The following SULT4A1 variants were observed in gnomAD, a reference collection of about 807,000 sequenced individuals.
SULT4A1 encodes the protein sulfotransferase family 4A member 1.
In SULT4A1, 11 loss-of-function variants were observed where a neutral mutation model predicts 35.2. The observed-to-expected ratio is 0.31, with a 90% confidence interval of 0.20 to 0.52. The LOEUF is 0.52. SULT4A1 is among the 20% of genes least tolerant of loss of function. SULT4A1 has a pLI of 0.97. For synonymous variants in SULT4A1, 152 were observed against 151.8 expected (o/e 1.00, Z -0.01); for missense variants, 271 against 383.7 (o/e 0.71, Z 2.45).
At chr22:43,852,348 GT>G (rs3994809) in intron 1 of SULT4A1, among the ~76,000 whole-genome samples, 13 of 147,998 alleles carry the variant, frequency 8.8e-5, no homozygotes, top group Middle Eastern at 7.1e-3. Flanking sequence ...TTTTTTTGTT[GT>G]TTTTTTTTTG....
chr22:43,832,306 C>T lies in SULT4A1; in HGVS notation c.603+1334G>A, dbSNP rs540042149. 3.3e-5 allele frequency among the ~76,000 whole-genome samples: 5 copies of T among 152,286 alleles called. No homozygotes were observed. In the East Asian group the frequency reaches 5.8e-4, roughly 18 times the overall value. On this transcript the variant is annotated intron_variant, in intron 5 of 6. Transcript: ENST00000330884. ...TCACCCAGCAGTCGGCTCCATGGCG[C>T]GTGTGACCTTAGACCGCCACATGAC...
chr22:43,850,402 C>T (rs1004370998), intron 1 of SULT4A1, among the ~76,000 whole-genome samples: 1 of 152,200 alleles, frequency 6.6e-6, no homozygotes, highest in Admixed American at 6.5e-5. Context: ...CAAAGTACAC[C>T]ATGTAGTGAT....
intron 5 of SULT4A1, among the ~76,000 whole-genome samples, chr22:43,830,035 C>T (rs528682267): frequency 2.2e-4 from 33 of 152,320 alleles, no homozygotes; most frequent in Admixed American, 7.8e-4. Context: ...CTGGTGTGGG[C>T]GCCAGCTCCT....
At chr22:43,848,338 G>T (rs2063489412) in intron 1 of SULT4A1, among the ~76,000 whole-genome samples, 1 of 152,240 alleles carries the variant, frequency 6.6e-6, no homozygotes, top group Non-Finnish European at 1.5e-5. Flanking sequence ...TCAAGATGGG[G>T]CACCAGCAAC....
rs1182419016 is a variant in SULT4A1, at chr22:43,826,090, T to C, written c.766A>G (p.Ile256Val). The C allele has an allele frequency of 1.2e-6, 2 of 1,614,230 alleles. No individual in the cohort carries two copies. Among genetic ancestry groups the C allele is most frequent in the Non-Finnish European group, 1.7e-6 (2 of 1,180,036 alleles). The change falls in exon 7 of 7, where the codon ATC becomes GTC. Residue 256 changes from isoleucine to valine, a missense_variant. Coordinates refer to ENST00000330884, the MANE Select transcript of SULT4A1 (RefSeq NM_014351.4). ...GRGRVGLWKD[I>V]FTVSMNEKFD... Reference sequence around the variant, plus strand: ...TTCTCATTCATGGAGACGGTGAAGATGTCCTTCCACAGCCCAACTCTTCCT... The same window carrying C: ...TTCTCATTCATGGAGACGGTGAAGACGTCCTTCCACAGCCCAACTCTTCCT...
At chr22:43,853,699 G>T (rs551865797) in intron 1 of SULT4A1, among the ~76,000 whole-genome samples, 1 of 152,324 alleles carries the variant, frequency 6.6e-6, no homozygotes, top group African/African-American at 2.4e-5. Flanking sequence ...CCGCTCCTCT[G>T]GGCCTCAGTT....
At chr22:43,859,888 C>G (rs765293674) in intron 1 of SULT4A1, among the ~76,000 whole-genome samples, 1 of 152,242 alleles carries the variant, frequency 6.6e-6, no homozygotes, top group Non-Finnish European at 1.5e-5. Flanking sequence ...TAAGCAGCCG[C>G]CTGTGGGCAG....
chr22:43,831,384 T>C (rs959976171), intron 5 of SULT4A1, among the ~76,000 whole-genome samples: 9 of 151,314 alleles, frequency 5.9e-5, no homozygotes, highest in African/African-American at 2.2e-4. Flanking sequence ...GGGCAGTGCA[T>C]GTTCAATGCT....
At chr22:43,861,845 G>A (rs1242331546) in intron 1 of SULT4A1, among the ~76,000 whole-genome samples, 1 of 152,248 alleles carries the variant, frequency 6.6e-6, no homozygotes, top group East Asian at 1.9e-4. Context: ...TTCAGGAACA[G>A]AGAGGTTGAG....
chr22:43,849,089 G>A (rs2063494434), intron 1 of SULT4A1, among the ~76,000 whole-genome samples: 1 of 152,248 alleles, frequency 6.6e-6, no homozygotes, highest in Admixed American at 6.5e-5. Context: ...GGCCACTGCT[G>A]TTCTGGGGTG....
Position 43,824,855 on chromosome 22 carries a change from C to A in SULT4A1, c.*1146G>T, listed in dbSNP as rs1489227205. The A allele has an allele frequency of 6.6e-6, 1 of 152,118 alleles. No individual in the cohort carries two copies. Among genetic ancestry groups the A allele is most frequent in the East Asian group, 1.9e-4 (1 of 5,172 alleles). 9.4% of individuals were successfully genotyped at this position (152,118 alleles called of 1,614,324 possible). A position where few individuals can be genotyped will look rare whatever the true frequency, so the allele number is the denominator to read the frequency against. On this transcript the variant is annotated 3_prime_UTR_variant, in exon 7 of 7. Transcript: ENST00000330884. ...AAATGACAGACAACCCCGGTCCCCACGGGGTTGGCTGGCTACTGGCCCCCG... is the reference window on the plus strand; with the variant it reads ...AAATGACAGACAACCCCGGTCCCCAAGGGGTTGGCTGGCTACTGGCCCCCG...
intron 1 of SULT4A1, among the ~76,000 whole-genome samples, chr22:43,858,036 T>A (rs1278664062): frequency 2.7e-5 from 2 of 73,700 alleles, no homozygotes; most frequent in Admixed American, 2.1e-4. Context: ...GGCAATAGAG[T>A]AAGATCCTGT....
chr22:43,857,947 G>A (rs979191546), intron 1 of SULT4A1, among the ~76,000 whole-genome samples: 2 of 151,452 alleles, frequency 1.3e-5, no homozygotes, highest in Admixed American at 6.6e-5. Flanking sequence ...CTACTTGGGA[G>A]GCTGAGGCAG....
At chr22:43,830,386 C>T (rs73176418) in intron 5 of SULT4A1, among the ~76,000 whole-genome samples, 2,018 of 152,334 alleles carry the variant, frequency 0.013, 20 homozygotes, top group Non-Finnish European at 0.021. Flanking sequence ...TGCGGCGTGA[C>T]GTCCATCTCA....
chr22:43,825,446 A>C lies in SULT4A1; in HGVS notation c.*555T>G, dbSNP rs1179558216. 6.6e-6 allele frequency: 1 copy of C among 152,422 alleles called. No homozygotes were observed. Among genetic ancestry groups the C allele is most frequent in the Non-Finnish European group, 1.5e-5 (1 of 68,202 alleles). The allele number at this position is 152,422 out of a possible 1,614,324, so 9.4% of individuals were successfully genotyped here. A position where few individuals can be genotyped will look rare whatever the true frequency, so the allele number is the denominator to read the frequency against. ...CTGAAGAAGTGAACTCCGTCAGAAT[A>C]AACAAGTGTCCAGATTCCCCCCAAC... On this transcript the variant is annotated 3_prime_UTR_variant, in exon 7 of 7. Coordinates refer to ENST00000330884, the MANE Select transcript of SULT4A1 (RefSeq NM_014351.4).
chr22:43,841,469 C>T (rs1036545381), intron 2 of SULT4A1, among the ~76,000 whole-genome samples: 15 of 152,296 alleles, frequency 9.8e-5, no homozygotes, highest in African/African-American at 3.1e-4. Context: ...GATGCAAACA[C>T]ATCCTACCCA....
intron 1 of SULT4A1, among the ~76,000 whole-genome samples, chr22:43,847,562 T>C (rs1467156960): frequency 1.3e-5 from 2 of 152,118 alleles, no homozygotes; most frequent in African/African-American, 4.8e-5. Flanking sequence ...CCCAGTGATG[T>C]GGCCCTGCCA....
rs772114318 is a variant in SULT4A1, at chr22:43,862,272, C to A, written c.111G>T (p.Glu37Asp). 6.4e-7 allele frequency: 1 copy of A among 1,570,322 alleles called. No individual in the cohort carries two copies. Among genetic ancestry groups the A allele is most frequent in the South Asian group, 1.1e-5 (1 of 87,844 alleles). The change falls in exon 1 of 7, where the codon GAG becomes GAT. Residue 37 changes from glutamate (E) to aspartate (D), a missense_variant. Transcript: ENST00000330884. ...TGGGCCGCACCGGGAAGTTGGCGAT[C>A]TCCTCCATCTTCCCGCGGCAGAAGG... ...LPPFCRGKME[E>D]IANFPVRPSD...
intron 4 of SULT4A1, among the ~76,000 whole-genome samples, chr22:43,837,012 C>T (rs558991979): frequency 3.9e-5 from 6 of 152,402 alleles, no homozygotes; most frequent in East Asian, 1.9e-4. Flanking sequence ...ACCAGGCTCA[C>T]GCGTGGTTGT....
Sources: allele counts gnomAD v4.1 joint callset (sites outside exome capture counted in the v4.1 genomes callset), GRCh38; gene constraint gnomAD v4.1.1; transcripts MANE v1.5; gene names NCBI Gene and HGNC (gene_info 2026-07-23, HGNC 2026-07-21).